Variants in GRIK2 observed in about 807,000 individuals in gnomAD.
The protein encoded by GRIK2 is glutamate receptor ionotropic, kainate 2.
In GRIK2, 32 loss-of-function variants were observed where a neutral mutation model predicts 100.3. The observed-to-expected ratio is 0.32, with a 90% CI of 0.24 to 0.43. GRIK2 has a LOEUF of 0.43. Among genes scored for constraint, GRIK2 ranks in the 20% least tolerant of loss-of-function variants. The pLI, the probability that GRIK2 is intolerant of heterozygous loss-of-function variation, is 1.00. For missense variants in GRIK2, 843 were observed against 1,114.9 expected, an observed-to-expected ratio of 0.76 and a Z score of 3.47; for synonymous variants, 417 against 389.4, an observed-to-expected ratio of 1.07 and a Z score of -0.83.
At chr6:102,002,279 T>A (rs1794981578) in intron 14 of GRIK2, among the ~76,000 whole-genome samples, 1 of 149,306 alleles carries the variant, frequency 6.7e-6, no homozygotes, top group Non-Finnish European at 1.5e-5. Context: ...TGTATGTATG[T>A]GTGTGTATAT....
At chr6:101,894,419 G>C (rs1038851404) in intron 12 of GRIK2, among the ~76,000 whole-genome samples, 1 of 151,594 alleles carries the variant, frequency 6.6e-6, no homozygotes, top group African/African-American at 2.4e-5. Context: ...TTAAGAGTAA[G>C]GATTAGCCTG....
chr6:101,862,585 TTTA>T (rs111239921), intron 11 of GRIK2, among the ~76,000 whole-genome samples: 6 of 150,466 alleles, frequency 4.0e-5, no homozygotes, highest in Non-Finnish European at 5.9e-5. Flanking sequence ...TAGCTAATTA[TTTA>T]TTATTATTAT....
intron 7 of GRIK2, among the ~76,000 whole-genome samples, chr6:101,760,132 G>A (rs1344761753): frequency 3.5e-5 from 5 of 142,930 alleles, no homozygotes; most frequent in Non-Finnish European, 7.5e-5. Context: ...GCCTCCCAAA[G>A]TGCTGGGATT....
intron 2 of GRIK2, among the ~76,000 whole-genome samples, chr6:101,445,869 T>G (rs532340756): frequency 6.6e-6 from 1 of 152,186 alleles, no homozygotes; most frequent in South Asian, 2.1e-4. Context: ...AATACTTGCC[T>G]TGTTTACACT....
At chr6:101,569,292 T>C (rs1032032396) in intron 2 of GRIK2, among the ~76,000 whole-genome samples, 1 of 151,844 alleles carries the variant, frequency 6.6e-6, no homozygotes, top group African/African-American at 2.4e-5. Flanking sequence ...AAAATAAAAT[T>C]AAGCAAAAAT....
rs113983741 is a variant in GRIK2 at position 101,602,884 on chromosome 6, G to A, written c.116-19065G>A. Among the ~76,000 whole-genome samples, 408 of 151,794 alleles carry A rather than the reference G, an allele frequency of 2.7e-3. 2 individuals carry two copies. The highest frequency in any genetic ancestry group is 9.6e-3 in the African/African-American group (397 of 41,494). On this transcript the variant is annotated intron_variant, in intron 2 of 16. Coordinates refer to ENST00000369134, the MANE Select transcript of GRIK2 (RefSeq NM_021956.5). ...TTTTATTTGAATTGTTGAGTGATTT[G>A]CATCATATTAGTCATAGCTCTAATC...
At chr6:102,004,455 C>T (rs1795107991) in intron 14 of GRIK2, among the ~76,000 whole-genome samples, 1 of 151,706 alleles carries the variant, frequency 6.6e-6, no homozygotes, top group African/African-American at 2.4e-5. Context: ...ATGATCTGGT[C>T]TCATTTGTCC....
chr6:101,753,986 C>T (rs1463296402), intron 7 of GRIK2, among the ~76,000 whole-genome samples: 1 of 151,802 alleles, frequency 6.6e-6, no homozygotes, highest in Non-Finnish European at 1.5e-5. Context: ...TTGTAATTTA[C>T]ATAGATTTAG....
rs151303477 is a variant in GRIK2, at chr6:102,052,174, T to G, written c.2312-3156T>G. 2.0e-3 allele frequency among the ~76,000 whole-genome samples: 304 copies of G among 152,304 alleles called. 1 individual carries two copies. Among genetic ancestry groups the G allele is most frequent in the African/African-American group, 7.0e-3 (291 of 41,582 alleles). On this transcript the variant is annotated intron_variant, in intron 15 of 16. Coordinates refer to ENST00000369134, the MANE Select transcript of GRIK2 (RefSeq NM_021956.5). ...TCAGCTGGCATATTTGTAGAAATACTTCCAAAGGAGCATCAAATTATGTAT... is the reference window on the plus strand; with the variant it reads ...TCAGCTGGCATATTTGTAGAAATACGTCCAAAGGAGCATCAAATTATGTAT...
At chr6:101,817,883 C>T (rs577441789) in intron 9 of GRIK2, among the ~76,000 whole-genome samples, 187 of 152,276 alleles carry the variant, frequency 1.2e-3, no homozygotes, top group Non-Finnish European at 1.6e-3. Context: ...GGTCTTATCC[C>T]ACCAGGGGTA....
intron 7 of GRIK2, among the ~76,000 whole-genome samples, chr6:101,730,284 G>A (rs113658654): frequency 6.6e-6 from 1 of 151,918 alleles, no homozygotes; most frequent in African/African-American, 2.4e-5. Flanking sequence ...GTATATTTGT[G>A]CATTTCTGTG....
intron 14 of GRIK2, among the ~76,000 whole-genome samples, chr6:102,002,402 TTATACA>T (rs1794993470): frequency 7.4e-6 from 1 of 134,476 alleles, no homozygotes. Context: ...TATATGTATA[TTATACA>T]TATTAGCATA....
At chr6:101,725,712 A>T (rs1774812760) in intron 7 of GRIK2, among the ~76,000 whole-genome samples, 1 of 151,978 alleles carries the variant, frequency 6.6e-6, no homozygotes, top group Non-Finnish European at 1.5e-5. Flanking sequence ...TACAATTTTA[A>T]TCTTCAATAT....
At chr6:101,700,070 A>G (rs1178314793) in intron 7 of GRIK2, among the ~76,000 whole-genome samples, 1 of 152,020 alleles carries the variant, frequency 6.6e-6, no homozygotes, top group Non-Finnish European at 1.5e-5. Flanking sequence ...AGATCACTTG[A>G]TCCTGAGAGG....
chr6:101,886,791 C>G (rs1226835540), intron 11 of GRIK2, among the ~76,000 whole-genome samples: 1 of 150,626 alleles, frequency 6.6e-6, no homozygotes, highest in Non-Finnish European at 1.5e-5. Flanking sequence ...ATCAGCCCAT[C>G]CCCTAGTAAC....
chr6:101,994,333 C>A (rs768610609), intron 14 of GRIK2, among the ~76,000 whole-genome samples: 4 of 151,504 alleles, frequency 2.6e-5, no homozygotes, highest in Non-Finnish European at 5.9e-5. Flanking sequence ...TTATACATAG[C>A]AGTGTTCATT....
At chr6:101,461,377 G>A (rs150433665) in intron 2 of GRIK2, among the ~76,000 whole-genome samples, 1 of 152,242 alleles carries the variant, frequency 6.6e-6, no homozygotes, top group East Asian at 1.9e-4. Context: ...TGTTCATCGT[G>A]GTTGTAGTAT....
intron 7 of GRIK2, among the ~76,000 whole-genome samples, chr6:101,717,906 C>T (rs1360804815): frequency 2.0e-5 from 3 of 151,658 alleles, no homozygotes; most frequent in African/African-American, 7.3e-5. Context: ...AATTATACTA[C>T]CCAGGTCCAT....
chr6:101,599,462 G>A (rs9498638), intron 2 of GRIK2, among the ~76,000 whole-genome samples: 11,387 of 151,760 alleles, frequency 0.075, 486 homozygotes, highest in South Asian at 0.12. Context: ...TCAAATGATA[G>A]TTGTGTGTTA....
Sources: allele counts gnomAD v4.1 joint callset (sites outside exome capture counted in the v4.1 genomes callset), GRCh38; gene constraint gnomAD v4.1.1; transcripts MANE v1.5; gene names NCBI Gene and HGNC (gene_info 2026-07-23, HGNC 2026-07-21).